Variants in ABI3BP observed in about 807,000 individuals in gnomAD.
ABI3BP encodes ABI family member 3 binding protein, also known as target of Nesh-SH3.
Under a neutral mutation model 268.6 loss-of-function variants are expected in ABI3BP, and 216 were observed. That is an observed-to-expected ratio of 0.80 (90% confidence interval 0.72 to 0.90). ABI3BP has a LOEUF of 0.90. Ranked by LOEUF, ABI3BP falls within the 40% of genes least tolerant of loss-of-function variation. The probability of loss-of-function intolerance (pLI) is 0.00; values close to 1 mark genes in which losing one functional copy is unlikely to be tolerated. For missense variants in ABI3BP, 2,090 were observed against 2,182.4 expected (o/e 0.96, Z 0.84); for synonymous variants, 730 against 730.0 (o/e 1.00, Z 0.00).
At position 100,774,652 on chromosome 3, in the gene ABI3BP, G is replaced by A; in HGVS notation, c.4484C>T (p.Ser1495Leu). 6.3e-7 allele frequency: 1 copy of A among 1,582,520 alleles called. No individual in the cohort carries two copies. Among genetic ancestry groups the A allele is most frequent in the African/African-American group, 1.3e-5 (1 of 74,402 alleles). ...AGGATCAGTTTCTCTTGTTGGGCTT[G>A]AGCTAAAGTCAGTTATATTTTCTGA... The part of the protein sequence containing the change: ...EELENITDFS[S>L]SPTRETDPLG... The change falls in exon 61 of 68, where the codon TCA becomes TTA. Residue 1495 changes from serine (S) to leucine (L), a missense_variant. Physicochemically the swap from Ser to Leu is moderately radical, Grantham distance 145. Transcript: ENST00000471714.
intron 2 of ABI3BP, among the ~76,000 whole-genome samples, chr3:100,924,179 T>G (rs2061137650): frequency 6.6e-6 from 1 of 152,100 alleles, no homozygotes; most frequent in Admixed American, 6.6e-5. Context: ...AATGACCCAA[T>G]TTCTCTAGAA....
At chr3:100,761,718 A>C (rs989427643) in intron 63 of ABI3BP, among the ~76,000 whole-genome samples, 1 of 152,058 alleles carries the variant, frequency 6.6e-6, no homozygotes, top group South Asian at 2.1e-4. Flanking sequence ...TAACAAAAGC[A>C]CTCTATAGAT....
rs1366887148 is a variant in ABI3BP, at chr3:100,800,934, T to C, written c.3757+3858A>G. 2.0e-5 allele frequency among the ~76,000 whole-genome samples: 3 copies of C among 152,352 alleles called. No homozygotes were observed. In the East Asian group the frequency reaches 5.8e-4, roughly 29 times the overall value. On this transcript the variant is annotated intron_variant, in intron 51 of 67. Coordinates refer to ENST00000471714, the MANE Select transcript of ABI3BP (RefSeq NM_001375547.2). ...ACTTTTCTGTTATTTCATTTTTTGTTTATATCACTAACCCATTAATTACTG... is the reference window on the plus strand; with the variant it reads ...ACTTTTCTGTTATTTCATTTTTTGTCTATATCACTAACCCATTAATTACTG...
chr3:100,834,912 C>T, intron 28 of ABI3BP, 139 bp from the exon 29 acceptor site: 2 of 722,036 alleles, frequency 2.8e-6, no homozygotes, highest in Non-Finnish European at 4.4e-6. Context: ...TTCTGATCAT[C>T]TATATGCAAA....
chr3:100,956,213 CAACACA>C (rs1304495698), intron 1 of ABI3BP, among the ~76,000 whole-genome samples: 1 of 78,318 alleles, frequency 1.3e-5, no homozygotes, highest in African/African-American at 5.3e-5. Flanking sequence ...AAAAGAAAAA[CAACACA>C]CACACACACA....
rs532479277 is a variant in ABI3BP, at chr3:100,909,964, G to A, written c.260-7278C>T. On this transcript the variant is annotated intron_variant, in intron 2 of 67. Coordinates refer to ENST00000471714, the MANE Select transcript of ABI3BP (RefSeq NM_001375547.2). ...AAATCATTCTACTATAAAGACACAT[G>A]CACATGTATGTTTATTGCAGCACTG... Among the ~76,000 whole-genome samples, 17 of 152,192 alleles carry A rather than the reference G, an allele frequency of 1.1e-4. 1 individual carries two copies. In the Middle Eastern group the frequency reaches 0.01, roughly 91 times the overall value.
At chr3:100,767,188 C>T (rs1008016748) in intron 62 of ABI3BP, among the ~76,000 whole-genome samples, 6 of 152,178 alleles carry the variant, frequency 3.9e-5, no homozygotes, top group Admixed American at 1.3e-4. Flanking sequence ...GATCCACCCA[C>T]CTCAGCTTCT....
intron 51 of ABI3BP, among the ~76,000 whole-genome samples, chr3:100,797,569 T>G (rs183265193): frequency 0.092 from 14,031 of 151,694 alleles, 856 homozygotes; most frequent in African/African-American, 0.18. Flanking sequence ...ACTGTTTTTT[T>G]TTTTTTTTTT....
chr3:100,916,803 T>C (rs1156748389), intron 2 of ABI3BP, among the ~76,000 whole-genome samples: 1 of 152,158 alleles, frequency 6.6e-6, no homozygotes, highest in Non-Finnish European at 1.5e-5. Context: ...GCAAAGCATC[T>C]CCAGTGGCAG....
intron 1 of ABI3BP, among the ~76,000 whole-genome samples, chr3:100,937,644 G>T (rs2066813947): frequency 6.6e-6 from 1 of 152,030 alleles, no homozygotes; most frequent in Non-Finnish European, 1.5e-5. Context: ...TGCAGAATTA[G>T]TTTTAATAGG....
chr3:100,762,063 A>G lies in ABI3BP; in HGVS notation c.4850+3778T>C, dbSNP rs566601289. Among the ~76,000 whole-genome samples, 6 of 152,262 alleles carry G rather than the reference A, an allele frequency of 3.9e-5. No homozygotes were observed. In the South Asian group the frequency reaches 6.2e-4, roughly 16 times the overall value. On this transcript the variant is annotated intron_variant, in intron 63 of 67. Coordinates refer to ENST00000471714, the MANE Select transcript of ABI3BP (RefSeq NM_001375547.2). Reference sequence around the variant, plus strand: ...AACTTTGCCATACACTTTGATTCCAAATTTCCTCCAAGCATTGAAATATGA... The same window carrying G: ...AACTTTGCCATACACTTTGATTCCAGATTTCCTCCAAGCATTGAAATATGA...
chr3:100,931,285 C>A (rs1328253873), intron 1 of ABI3BP, among the ~76,000 whole-genome samples: 2 of 152,054 alleles, frequency 1.3e-5, no homozygotes, highest in Non-Finnish European at 2.9e-5. Flanking sequence ...AGAACTGGCA[C>A]AAGACAGGGA....
rs183993697 is a variant in ABI3BP at position 100,928,852 on chromosome 3, A to G, written c.80-2371T>C. 5.3e-5 allele frequency among the ~76,000 whole-genome samples: 8 copies of G among 152,190 alleles called. No homozygotes were observed. In the East Asian group the frequency reaches 1.5e-3, roughly 29 times the overall value. On this transcript the variant is annotated intron_variant, in intron 1 of 67. Transcript: ENST00000471714. ...TGAGAACTTTGTAACTATCCAAAAG[A>G]GTAAGGAGTGGCCACACCACAGATC...
At chr3:100,985,797 A>T (rs941520376) in intron 1 of ABI3BP, among the ~76,000 whole-genome samples, 1 of 152,268 alleles carries the variant, frequency 6.6e-6, no homozygotes, top group Non-Finnish European at 1.5e-5. Flanking sequence ...GAGACAAATT[A>T]GCAGTTTGCC....
At chr3:100,958,392 T>C (rs1376061616) in intron 1 of ABI3BP, among the ~76,000 whole-genome samples, 1 of 152,218 alleles carries the variant, frequency 6.6e-6, no homozygotes, top group Non-Finnish European at 1.5e-5. Flanking sequence ...GAGGATATAC[T>C]TAACCAGACG....
intron 2 of ABI3BP, among the ~76,000 whole-genome samples, chr3:100,923,460 T>C (rs1451870551): frequency 6.6e-6 from 1 of 152,196 alleles, no homozygotes; most frequent in Non-Finnish European, 1.5e-5. Flanking sequence ...ATCGAGCATA[T>C]TTAAGCTAGA....
In ABI3BP at chr3:100,840,138, G is replaced by A. The variant is rs1024502428; in HGVS notation, c.1831C>T (p.Arg611Cys). 2.6e-6 allele frequency: 4 copies of A among 1,532,558 alleles called. No homozygotes were observed. The highest frequency in any genetic ancestry group is 4.9e-5 in the East Asian group (2 of 40,598). 94.9% of individuals were successfully genotyped at this position (1,532,558 alleles called of 1,614,324 possible). A position where few individuals can be genotyped will look rare whatever the true frequency, so the allele number is the denominator to read the frequency against. ...GGGCGGGGACGGGGGCGGGGGCGAC[G>A]ACCTGGTCTTTTGGTCTTTCGTGGT... ...LAPRKTKRPG[R>C]RPRPRPRPKT... The change falls in exon 23 of 68, where the codon CGT becomes TGT. Residue 611 changes from arginine to cysteine, a missense_variant. By Grantham distance (180) the Arg-to-Cys change is radical. Transcript: ENST00000471714.
chr3:100,834,546 G>T, intron 29 of ABI3BP, 138 bp downstream of exon 29: 1 of 707,060 alleles, frequency 1.4e-6, no homozygotes, highest in Non-Finnish European at 2.4e-6. Flanking sequence ...CCAGAGCACT[G>T]TGTTGGTAGC....
intron 44 of ABI3BP, 63 bp downstream of exon 44, chr3:100,815,849 G>C (rs971580560): frequency 1.6e-6 from 2 of 1,224,086 alleles, no homozygotes; most frequent in Non-Finnish European, 1.1e-6. Context: ...GGTCATGACA[G>C]TGCTCAAGTG....
Sources: gnomAD v4.1 joint callset for allele counts (sites outside exome capture counted in the v4.1 genomes callset) on GRCh38, gnomAD v4.1.1 for gene constraint, MANE v1.5 for transcripts, NCBI Gene and HGNC (gene_info 2026-07-23, HGNC 2026-07-21) for gene names.